The following LYPD6B variants were observed in gnomAD, a reference collection of about 807,000 sequenced individuals.
LYPD6B encodes ly6/PLAUR domain-containing protein 6B.
Under a neutral mutation model 22.8 loss-of-function variants are expected in LYPD6B, and 17 were observed. The ratio of observed to expected loss-of-function variants is 0.75; its 90% CI spans 0.51 to 1.12. LYPD6B has a LOEUF of 1.12. LYPD6B is among the 50% of genes most tolerant of loss of function. The pLI is 0.00. For synonymous variants in LYPD6B, 106 were observed against 91.6 expected (o/e 1.16, Z -0.90); for missense variants, 221 against 258.3 (o/e 0.86, Z 0.99).
At chr2:149,061,382 T>C (rs904728911) in intron 1 of LYPD6B, among the ~76,000 whole-genome samples, 1 of 152,154 alleles carries the variant, frequency 6.6e-6, no homozygotes, top group Non-Finnish European at 1.5e-5. Context: ...AGTAATAAAA[T>C]ATGTGTCTGT....
Position 149,115,633 on chromosome 2 carries a change from G to A in LYPD6B, c.-66-15250G>A, listed in dbSNP as rs181526793. 6.5e-3 allele frequency among the ~76,000 whole-genome samples: 996 copies of A among 152,288 alleles called. 6 individuals are homozygous for A. Among genetic ancestry groups the A allele is most frequent in the Non-Finnish European group, 0.011 (778 of 68,020 alleles). On this transcript the variant is annotated intron_variant, in intron 1 of 6. Transcript: ENST00000409642. Reference sequence around the variant, plus strand: ...TGTGGTGATTGTGGAAATGTTTAGAGTTGGGAATGTTTCACAGTTTAGAAC... The same window carrying A: ...TGTGGTGATTGTGGAAATGTTTAGAATTGGGAATGTTTCACAGTTTAGAAC...
At chr2:149,196,442 G>T (rs1192838717) in intron 3 of LYPD6B, among the ~76,000 whole-genome samples, 1 of 152,178 alleles carries the variant, frequency 6.6e-6, no homozygotes, top group African/African-American at 2.4e-5. Context: ...TATATTTCTA[G>T]ATGTGGATTC....
chr2:149,140,602 T>G (rs1688634588), intron 2 of LYPD6B, among the ~76,000 whole-genome samples: 1 of 152,202 alleles, frequency 6.6e-6, no homozygotes, highest in Admixed American at 6.5e-5. Context: ...CACTCTTAGA[T>G]TCAAATAATC....
rs764636285 is a variant in LYPD6B, at chr2:149,214,635, G to A, written c.549G>A (p.Gln183=). The A allele has an allele frequency of 1.2e-6, 2 of 1,613,986 alleles. No homozygotes were observed. The highest frequency in any genetic ancestry group is 1.7e-5 in the Admixed American group (1 of 60,034). The change falls in exon 7 of 7, where the codon CAG becomes CAA. Residue 183 remains glutamine (Q), a synonymous_variant. Coordinates refer to ENST00000409642, the MANE Select transcript of LYPD6B (RefSeq NM_177964.5). ...TNAVFAVMHA[Q]RTSGSSAPTL... is the part of the protein sequence containing the mutation. Reference sequence around the variant, plus strand: ...CAGTGTTTGCCGTAATGCACGCTCAGAGAACATCTGGCAGCAGTGCCCCCA... The same window carrying A: ...CAGTGTTTGCCGTAATGCACGCTCAAAGAACATCTGGCAGCAGTGCCCCCA...
intron 1 of LYPD6B, among the ~76,000 whole-genome samples, chr2:149,067,936 C>T (rs1684417617): frequency 6.6e-6 from 1 of 152,188 alleles, no homozygotes; most frequent in African/African-American, 2.4e-5. Context: ...CCACCCTCCT[C>T]TCAAACTGGC....
chr2:149,171,365 C>A (rs1368833301), intron 3 of LYPD6B, among the ~76,000 whole-genome samples: 1 of 149,808 alleles, frequency 6.7e-6, no homozygotes, highest in African/African-American at 2.4e-5. Context: ...TATCAAAAAA[C>A]AAATAACATA....
intron 3 of LYPD6B, among the ~76,000 whole-genome samples, chr2:149,194,529 T>C (rs1692685152): frequency 6.6e-6 from 1 of 152,198 alleles, no homozygotes; most frequent in African/African-American, 2.4e-5. Context: ...TGCTGTATTG[T>C]ATTATAGGCC....
intron 2 of LYPD6B, among the ~76,000 whole-genome samples, chr2:149,140,620 G>T (rs1688636983): frequency 6.6e-6 from 1 of 152,152 alleles, no homozygotes; most frequent in Non-Finnish European, 1.5e-5. Context: ...ATCTCTTTAA[G>T]CTTATCCTTG....
chr2:149,173,253 T>C (rs1393721624), intron 3 of LYPD6B, among the ~76,000 whole-genome samples: 1 of 151,744 alleles, frequency 6.6e-6, no homozygotes, highest in Admixed American at 6.6e-5. Context: ...ACTAGCAAGG[T>C]CTTGGTTATT....
chr2:149,121,088 G>A (rs1321749258), intron 1 of LYPD6B, among the ~76,000 whole-genome samples: 2 of 152,080 alleles, frequency 1.3e-5, no homozygotes, highest in Admixed American at 1.3e-4. Flanking sequence ...GACCCCGCCT[G>A]GCAAAGTCTT....
intron 3 of LYPD6B, among the ~76,000 whole-genome samples, chr2:149,203,011 C>T (rs1693268308): frequency 6.6e-6 from 1 of 152,130 alleles, no homozygotes; most frequent in Admixed American, 6.5e-5. Context: ...GGTATTTGAG[C>T]CAATGCTCTT....
chr2:149,119,606 C>G (rs1014717052), intron 1 of LYPD6B, among the ~76,000 whole-genome samples: 1 of 152,164 alleles, frequency 6.6e-6, no homozygotes, highest in Non-Finnish European at 1.5e-5. Flanking sequence ...GCTCCGGGCC[C>G]GTAGGCACCA....
At position 149,055,354 on chromosome 2, in the gene LYPD6B, G is replaced by A. The variant is rs145227155; in HGVS notation, c.-67+16553G>A. On this transcript the variant is annotated intron_variant, in intron 1 of 6. Coordinates refer to ENST00000409642, the MANE Select transcript of LYPD6B (RefSeq NM_177964.5). ...TCTTCCAGCTTTTTTCTTCTTGTTC[G>A]GTGTTATTTTGGCTATTCTGGGTCC... Among the ~76,000 whole-genome samples the A allele has an allele frequency of 3.0e-3, 450 of 152,144 alleles. 2 individuals are homozygous for A. Among genetic ancestry groups the A allele is most frequent in the Non-Finnish European group, 2.3e-3 (158 of 68,014 alleles).
At chr2:149,212,002 T>G (rs183237215) in intron 5 of LYPD6B, among the ~76,000 whole-genome samples, 266 of 150,766 alleles carry the variant, frequency 1.8e-3, no homozygotes, top group African/African-American at 6.1e-3. Context: ...ACAGAGAAAG[T>G]AAAAGAGGAG....
intron 3 of LYPD6B, among the ~76,000 whole-genome samples, chr2:149,177,822 C>T (rs950770683): frequency 4.0e-5 from 6 of 149,166 alleles, no homozygotes; most frequent in Non-Finnish European, 7.4e-5. Flanking sequence ...GGCACTGTAT[C>T]CCTTCTGCAA....
rs1689879077 is a variant in LYPD6B at position 149,158,986 on chromosome 2, T to C, written c.6-1778T>C. Among the ~76,000 whole-genome samples the C allele has an allele frequency of 3.3e-5, 5 of 152,206 alleles. No homozygotes were observed. The South Asian group carries it at 1.0e-3, about 31-fold the overall frequency. ...TTTATGGGAAATAACTCAAAGGATATGGAGTTCATTAGTTTTTCCAGAAAT... is the reference window on the plus strand; with the variant it reads ...TTTATGGGAAATAACTCAAAGGATACGGAGTTCATTAGTTTTTCCAGAAAT... On this transcript the variant is annotated intron_variant, in intron 2 of 6. Transcript: ENST00000409642.
intron 1 of LYPD6B, among the ~76,000 whole-genome samples, chr2:149,120,773 T>A (rs915961383): frequency 4.8e-5 from 7 of 144,816 alleles, no homozygotes; most frequent in Non-Finnish European, 8.9e-5. Context: ...TTTGCTACTA[T>A]GCTACAAAGT....
At chr2:149,079,066 C>T (rs1181186670) in intron 1 of LYPD6B, among the ~76,000 whole-genome samples, 3 of 142,224 alleles carry the variant, frequency 2.1e-5, no homozygotes, top group Non-Finnish European at 4.5e-5. Context: ...AATGCCATTT[C>T]TATTCAAATT....
At chr2:149,140,921 TA>T (rs1031424617) in intron 2 of LYPD6B, among the ~76,000 whole-genome samples, 2 of 152,184 alleles carry the variant, frequency 1.3e-5, no homozygotes, top group African/African-American at 4.8e-5. Flanking sequence ...GGCCAAAACA[TA>T]AAACAATGTT....
Sources: gnomAD v4.1 joint callset for allele counts (sites outside exome capture counted in the v4.1 genomes callset) on GRCh38, gnomAD v4.1.1 for gene constraint, MANE v1.5 for transcripts, NCBI Gene and HGNC (gene_info 2026-07-23, HGNC 2026-07-21) for gene names.